Variants in ARPC1A observed in about 807,000 individuals in gnomAD.
ARPC1A encodes actin-related protein 2/3 complex subunit 1A.
In ARPC1A, 8 loss-of-function variants were observed where a neutral mutation model predicts 46.9. The ratio of observed to expected loss-of-function variants is 0.17; its 90% confidence interval spans 0.10 to 0.31. The LOEUF is 0.31. Among genes scored for constraint, ARPC1A ranks in the 10% least tolerant of loss-of-function variants. The pLI is 1.00. For missense variants in ARPC1A, 286 were observed against 483.6 expected, an observed-to-expected ratio of 0.59 and a Z score of 3.83; for synonymous variants, 152 against 169.0, an observed-to-expected ratio of 0.90 and a Z score of 0.78.
In ARPC1A at chr7:99,340,171, T is replaced by C. The variant is rs182439399; in HGVS notation, c.169+1886T>C. Among the ~76,000 whole-genome samples, 1,211 of 152,206 alleles carry C rather than the reference T, an allele frequency of 8.0e-3. 9 individuals are homozygous for C. The highest frequency in any genetic ancestry group is 0.012 in the Non-Finnish European group (808 of 68,016). ...GTTTTTGTTTGTTTGTTTGTTTGTT[T>C]GTTTGTTTTGAGATGGAGTGTCATT... is the stretch of plus-strand genomic sequence containing the variant. On this transcript the variant is annotated intron_variant, in intron 3 of 9. Coordinates refer to ENST00000262942, the MANE Select transcript of ARPC1A (RefSeq NM_006409.4).
chr7:99,351,765 G>A (rs1361188965), intron 5 of ARPC1A, among the ~76,000 whole-genome samples: 1 of 152,198 alleles, frequency 6.6e-6, no homozygotes, highest in African/African-American at 2.4e-5. Context: ...CTTTTAGGGA[G>A]CCTTTAGGTT....
chr7:99,365,897 G>A lies in ARPC1A; in HGVS notation c.1081G>A (p.Glu361Lys), dbSNP rs984482950. 3.2e-6 allele frequency: 5 copies of A among 1,575,040 alleles called. No homozygotes were observed. The highest frequency in any genetic ancestry group is 2.7e-5 in the African/African-American group (2 of 74,352). The part of the protein sequence containing the change: ...AMTIWDFKTL[E>K]SSIQGLRIM Reference sequence around the variant, plus strand: ...TCTTCCCACCTTTTCCAAGACCCTCGAGTCTTCCATCCAGGGCCTCCGGAT... The same window carrying A: ...TCTTCCCACCTTTTCCAAGACCCTCAAGTCTTCCATCCAGGGCCTCCGGAT... Residue 361 changes from glutamate (E) to lysine (K), a missense_variant, in exon 10 of 10, where the codon GAG becomes AAG. Transcript: ENST00000262942.
intron 7 of ARPC1A, among the ~76,000 whole-genome samples, chr7:99,359,037 T>C (rs1793691898): frequency 6.7e-6 from 1 of 150,204 alleles, no homozygotes; most frequent in African/African-American, 2.5e-5. Flanking sequence ...TTCACCATGT[T>C]AGCCAGGATG....
intron 3 of ARPC1A, 67 bp downstream of exon 3, chr7:99,338,352 G>C: frequency 9.5e-6 from 9 of 949,386 alleles, no homozygotes; most frequent in African/African-American, 1.9e-5. Flanking sequence ...TTTAGATAAA[G>C]AGCCTAATAA....
chr7:99,351,860 G>A (rs769676920), intron 5 of ARPC1A, among the ~76,000 whole-genome samples: 19 of 152,144 alleles, frequency 1.2e-4, no homozygotes, highest in African/African-American at 1.7e-4. Flanking sequence ...ATTTCCAGCC[G>A]TTCCCCTTTG....
At chr7:99,347,303 T>C (rs67909852) in intron 4 of ARPC1A, among the ~76,000 whole-genome samples, 13,517 of 152,220 alleles carry the variant, frequency 0.089, 885 homozygotes, top group African/African-American at 0.19. Context: ...ATTCCTGTAC[T>C]CAAGCAATCC....
chr7:99,336,832 G>GA lies in ARPC1A; in HGVS notation c.65-1346dup, dbSNP rs374799475. 5.3e-5 allele frequency among the ~76,000 whole-genome samples: 8 copies of GA among 152,176 alleles called. No homozygotes were observed. The East Asian group carries it at 1.4e-3, about 26-fold the overall frequency. The stretch of plus-strand genomic sequence containing the variant: ...TTTAATTTTAAGAAACCAATAAAAA[G>GA]AAAGAGGGGCTGGGCATCGTGGCTC... On this transcript the variant is annotated intron_variant, in intron 2 of 9. Coordinates refer to ENST00000262942, the MANE Select transcript of ARPC1A (RefSeq NM_006409.4).
intron 2 of ARPC1A, chr7:99,335,382 T>C (rs1793228337): frequency 6.6e-5 from 29 of 436,932 alleles, no homozygotes; most frequent in Non-Finnish European, 1.3e-4. Flanking sequence ...ATCAACTGAC[T>C]GTAAAGATGA....
At chr7:99,339,315 A>G (rs1172455797) in intron 3 of ARPC1A, among the ~76,000 whole-genome samples, 1 of 152,212 alleles carries the variant, frequency 6.6e-6, no homozygotes, top group Non-Finnish European at 1.5e-5. Context: ...TGGGAGGCTG[A>G]GGCGGGAGGA....
At chr7:99,328,604 G>A (rs1793091518) in intron 1 of ARPC1A, among the ~76,000 whole-genome samples, 1 of 152,082 alleles carries the variant, frequency 6.6e-6, no homozygotes, top group South Asian at 2.1e-4. Context: ...CGGCTTCAGA[G>A]CCCATGGCTA....
chr7:99,365,268 A>T (rs961776365), intron 9 of ARPC1A, among the ~76,000 whole-genome samples: 2 of 151,840 alleles, frequency 1.3e-5, no homozygotes, highest in African/African-American at 4.8e-5. Flanking sequence ...TTTGGGCAAC[A>T]TAGCGTGACC....
chr7:99,358,921 T>G (rs1267775468), intron 7 of ARPC1A: 1 of 153,214 alleles, frequency 6.5e-6, no homozygotes, highest in Admixed American at 6.5e-5. Flanking sequence ...AAGCTCCGCC[T>G]CCCGGGTTCA....
At chr7:99,353,236 G>A (rs985158548) in intron 5 of ARPC1A, among the ~76,000 whole-genome samples, 3 of 151,840 alleles carry the variant, frequency 2.0e-5, no homozygotes, top group Non-Finnish European at 4.4e-5. Context: ...TCAGCTCACT[G>A]CAAGCTGTGC....
At chr7:99,358,208 G>A in intron 6 of ARPC1A, 132 bp from the exon 7 acceptor site, 3 of 822,830 alleles carry the variant, frequency 3.6e-6, no homozygotes, top group East Asian at 2.7e-5. Flanking sequence ...GAGGTCAGGG[G>A]CTCCTTTTCA....
rs1435085804 is a variant in ARPC1A at position 99,333,344 on chromosome 7, A to C, written c.-10A>C. ...TTGCAGCTTTCTCTCCTTTGAAAAC[A>C]CTAAGAATAATGTCACTGCATCAGT... On this transcript the variant is annotated 5_prime_UTR_variant, in exon 2 of 10. Transcript: ENST00000262942. 1 of 1,611,804 alleles carries C rather than the reference A, an allele frequency of 6.2e-7. No homozygotes were observed.
Position 99,363,626 on chromosome 7 carries a change from A to G in ARPC1A, c.1067A>G (p.Asp356Gly). Residue 356 changes from aspartate to glycine, a missense_variant, in exon 9 of 10, where the codon GAT becomes GGT. By Grantham distance (94) the Asp-to-Gly change is moderately conservative. Around this residue, in one of 5 missense-constraint regions of ARPC1A, gnomAD observed 182 missense variants for 276.7 expected, o/e 0.66. Coordinates refer to ENST00000262942, the MANE Select transcript of ARPC1A (RefSeq NM_006409.4). Reference sequence around the variant, plus strand: ...ATCGATGGAGCCATGACAATTTGGGATTTCAAGGTATTTTCTACCTAACAG... The same window carrying G: ...ATCGATGGAGCCATGACAATTTGGGGTTTCAAGGTATTTTCTACCTAACAG... The part of the protein sequence containing the change: ...TGIDGAMTIW[D>G]FKTLESSIQG... The G allele has an allele frequency of 6.2e-7, 1 of 1,600,436 alleles. No individual in the cohort carries two copies. The highest frequency in any genetic ancestry group is 8.5e-7 in the Non-Finnish European group (1 of 1,174,070).
chr7:99,334,205 A>T (rs1793201320), intron 2 of ARPC1A, among the ~76,000 whole-genome samples: 1 of 151,340 alleles, frequency 6.6e-6, no homozygotes, highest in African/African-American at 2.4e-5. Context: ...TACTAAAAAT[A>T]AAAAAAATTA....
At chr7:99,365,009 G>A (rs1218074395) in intron 9 of ARPC1A, among the ~76,000 whole-genome samples, 3 of 152,156 alleles carry the variant, frequency 2.0e-5, no homozygotes, top group African/African-American at 7.2e-5. Flanking sequence ...TTTGGAGGGA[G>A]GGACTGTGAG....
chr7:99,335,741 T>C (rs530332864), intron 2 of ARPC1A, among the ~76,000 whole-genome samples: 1 of 151,572 alleles, frequency 6.6e-6, no homozygotes, highest in East Asian at 1.9e-4. Context: ...GATCACGAGG[T>C]CAGGAGATCA....
Sources: gnomAD v4.1 joint callset for allele counts (sites outside exome capture counted in the v4.1 genomes callset) on GRCh38, gnomAD v4.1.1 for gene constraint, gnomAD v4.1.1 regional missense constraint, MANE v1.5 for transcripts, NCBI Gene and HGNC (gene_info 2026-07-23, HGNC 2026-07-21) for gene names.